The following UMODL1 variants were observed in gnomAD, a reference collection of about 807,000 sequenced individuals.
The protein encoded by UMODL1 is uromodulin like 1, also known as uromodulin-like 1.
In UMODL1, 128 loss-of-function variants were observed where a neutral mutation model predicts 136.3. The observed-to-expected ratio is 0.94, with a 90% CI of 0.81 to 1.09. The LOEUF (loss-of-function observed/expected upper bound fraction) is 1.09, where lower values mean the gene tolerates loss of function less well. Among genes scored for constraint, UMODL1 ranks in the 50% least tolerant of loss-of-function variants. UMODL1 has a pLI of 0.00. For missense variants in UMODL1, 1,766 were observed against 1,725.6 expected (o/e 1.02, Z -0.41); for synonymous variants, 721 against 720.0 (o/e 1.00, Z -0.02).
In UMODL1 at chr21:42,077,002, GGTGTGTGTGTGTGTGTGTGTGTGTGT is replaced by G. The variant is rs56409028; in HGVS notation, c.319+795_319+820del. ...CACAGGTGATCTCTTCCAGGGGAGGGGTGTGTGTGTGTGTGTGTGTGTGTGTGTGTGTGTGTGTGTGTGTGTGTGTG... is the reference window on the plus strand; with the variant it reads ...CACAGGTGATCTCTTCCAGGGGAGGGGTGTGTGTGTGTGTGTGTGTGTGTG... On this transcript the variant is annotated intron_variant, in intron 2 of 22. Coordinates refer to ENST00000408910, the MANE Select transcript of UMODL1 (RefSeq NM_001004416.3). 4.9e-3 allele frequency among the ~76,000 whole-genome samples: 551 copies of G among 113,266 alleles called. 6 individuals carry two copies. Among genetic ancestry groups the G allele is most frequent in the African/African-American group, 0.013 (410 of 32,542 alleles). 74.3% of individuals were successfully genotyped at this position (113,266 alleles called of 152,430 possible).
chr21:42,078,122 C>T (rs543201876), intron 2 of UMODL1, among the ~76,000 whole-genome samples: 1 of 152,156 alleles, frequency 6.6e-6, no homozygotes, highest in Non-Finnish European at 1.5e-5. Flanking sequence ...ATAACCAACA[C>T]CTCCATCACC....
chr21:42,094,960 A>G (rs140346053), intron 6 of UMODL1, among the ~76,000 whole-genome samples: 2 of 152,178 alleles, frequency 1.3e-5, no homozygotes, highest in African/African-American at 4.8e-5. Context: ...CACTGGGCCT[A>G]AATCAGGTTG....
chr21:42,126,550 G>A, intron 18 of UMODL1, 60 bp downstream of exon 18: 1 of 1,611,096 alleles, frequency 6.2e-7, no homozygotes, highest in South Asian at 1.1e-5. Flanking sequence ...CCTGCGCTTT[G>A]AGAGTTCTTT....
Position 42,090,380 on chromosome 21 carries a change from C to A in UMODL1, c.873C>A (p.Cys291Ter). ...LCANLEGSYWCVCHQEAPATS... is the reference protein window; with the variant it reads ...LCANLEGSYW ...CAAACCTGGAGGGCTCGTACTGGTG[C>A]GTCTGTCACCAGGAAGCTCCAGCCA... The change falls in exon 6 of 23, where the codon TGC becomes TGA. Residue 291 changes from cysteine (C) to a stop codon, truncating the protein, a stop_gained. Coordinates refer to ENST00000408910, the MANE Select transcript of UMODL1 (RefSeq NM_001004416.3). LOFTEE classifies it high-confidence loss of function. The A allele has an allele frequency of 6.2e-7, 1 of 1,613,980 alleles. No individual in the cohort carries two copies. The highest frequency in any genetic ancestry group is 1.3e-5 in the African/African-American group (1 of 75,004).
chr21:42,094,950 C>T (rs1361390522), intron 6 of UMODL1, among the ~76,000 whole-genome samples: 5 of 151,972 alleles, frequency 3.3e-5, no homozygotes, highest in African/African-American at 1.2e-4. Context: ...AAATAGTTAC[C>T]ACTGGGCCTA....
chr21:42,090,411 C>G lies in UMODL1; in HGVS notation c.904C>G (p.Pro302Ala). The stretch of plus-strand genomic sequence containing the variant: ...TCACCAGGAAGCTCCAGCCACGTCT[C>G]CACGGAAGCTGAACCTGGAGTGGGA... ...VCHQEAPATS[P>A]RKLNLEWEDC... is the part of the protein sequence containing the mutation. Residue 302 changes from proline (P) to alanine (A), a missense_variant, in exon 6 of 23, where the codon CCA becomes GCA. Physicochemically the swap from Pro to Ala is conservative, Grantham distance 27 (BLOSUM62 -1). Coordinates refer to ENST00000408910, the MANE Select transcript of UMODL1 (RefSeq NM_001004416.3). 6.2e-7 allele frequency: 1 copy of G among 1,613,980 alleles called. No individual in the cohort carries two copies. The highest frequency in any genetic ancestry group is 8.5e-7 in the Non-Finnish European group (1 of 1,179,926).
chr21:42,120,852 C>A, intron 15 of UMODL1: 1 of 439,088 alleles, frequency 2.3e-6, no homozygotes, highest in Non-Finnish European at 4.0e-6. Flanking sequence ...ATCCCCCTCC[C>A]AGCCCTGGGC....
intron 1 of UMODL1, among the ~76,000 whole-genome samples, chr21:42,066,198 C>G (rs2066181465): frequency 6.6e-6 from 1 of 152,122 alleles, no homozygotes; most frequent in African/African-American, 2.4e-5. Flanking sequence ...AGGACAGAGA[C>G]AAATTAAAAA....
upstream of UMODL1, among the ~76,000 whole-genome samples, chr21:42,070,009 C>A (rs1465790398): frequency 6.6e-6 from 1 of 152,178 alleles, no homozygotes; most frequent in Non-Finnish European, 1.5e-5. Flanking sequence ...AGCCCCTTTG[C>A]TGTGAGATCA....
intron 21 of UMODL1, among the ~76,000 whole-genome samples, chr21:42,135,456 A>T (rs955061820): frequency 6.6e-6 from 1 of 152,222 alleles, no homozygotes; most frequent in Non-Finnish European, 1.5e-5. Context: ...AGAGGTGGCA[A>T]CTGAACAGGG....
intron 1 of UMODL1, among the ~76,000 whole-genome samples, chr21:42,072,529 C>T (rs1284696904): frequency 6.6e-6 from 1 of 152,154 alleles, no homozygotes; most frequent in Non-Finnish European, 1.5e-5. Flanking sequence ...GAGGTGTTTC[C>T]AGAACCCCTC....
chr21:42,065,835 A>C lies in UMODL1; in HGVS notation c.-141+2621A>C, dbSNP rs577886321. ...GAGTGAGCCACTGCACTCAGCCTGCACCAACTTTTACAGACAGGCTGGAGT... is the reference window on the plus strand; with the variant it reads ...GAGTGAGCCACTGCACTCAGCCTGCCCCAACTTTTACAGACAGGCTGGAGT... On this transcript the variant is annotated intron_variant, in intron 1 of 22. Coordinates refer to the UMODL1 transcript ENST00000400424. 2.0e-5 allele frequency among the ~76,000 whole-genome samples: 3 copies of C among 152,200 alleles called. No individual in the cohort carries two copies. The South Asian group carries it at 6.2e-4, about 32-fold the overall frequency.
intron 4 of UMODL1, 48 bp from the exon 5 acceptor site, chr21:42,088,246 T>C (rs1172873556): frequency 6.3e-7 from 1 of 1,586,840 alleles, no homozygotes; most frequent in East Asian, 2.3e-5. Flanking sequence ...CTCGTCTGTC[T>C]GACGGGGTGT....
chr21:42,115,425 G>C (rs764613462), intron 13 of UMODL1, among the ~76,000 whole-genome samples: 1 of 152,240 alleles, frequency 6.6e-6, no homozygotes, highest in African/African-American at 2.4e-5. Context: ...CTGTGGCCAC[G>C]TGGACTCTGA....
At position 42,077,373 on chromosome 21, in the gene UMODL1, C is replaced by T. The variant is rs1033705485; in HGVS notation, c.319+1126C>T. Among the ~76,000 whole-genome samples, 7 of 151,946 alleles carry T rather than the reference C, an allele frequency of 4.6e-5. No individual in the cohort carries two copies. In the South Asian group the frequency reaches 6.3e-4, roughly 14 times the overall value. ...CTTTTATTAGCCGGCGACCGAGAGA[C>T]GGCTAACGCTAAAAATTCTCTCAGC... On this transcript the variant is annotated intron_variant, in intron 2 of 22. Coordinates refer to ENST00000408910, the MANE Select transcript of UMODL1 (RefSeq NM_001004416.3).
At position 42,126,328 on chromosome 21, in the gene UMODL1, C is replaced by T. The variant is rs1200410143; in HGVS notation, c.3148-17C>T. 6.2e-7 allele frequency: 1 copy of T among 1,613,530 alleles called. No individual in the cohort carries two copies. The highest frequency in any genetic ancestry group is 8.5e-7 in the Non-Finnish European group (1 of 1,179,846). ...GGCTGGGGCCTGGGAGCTCCTCATGCTCCGCTTTGTGCTCAGAACATGACG... is the reference window on the plus strand; with the variant it reads ...GGCTGGGGCCTGGGAGCTCCTCATGTTCCGCTTTGTGCTCAGAACATGACG... On this transcript the variant is annotated splice_polypyrimidine_tract_variant and intron_variant, in intron 17 of 22. Transcript: ENST00000408910.
In UMODL1 at chr21:42,099,188, C is replaced by A; in HGVS notation, c.1186+8C>A. On this transcript the variant is annotated splice_region_variant and intron_variant, in intron 7 of 22. Coordinates refer to ENST00000408910, the MANE Select transcript of UMODL1 (RefSeq NM_001004416.3). The surrounding 1 kb of genome is among the most constrained non-coding windows in gnomAD (Gnocchi z 4.1). Reference sequence around the variant, plus strand: ...CGCTGACCATCAAAACCAGTAAGGCCCCCAGTCAGAGACCCACGTTAGCTT... The same window carrying A: ...CGCTGACCATCAAAACCAGTAAGGCACCCAGTCAGAGACCCACGTTAGCTT... 4 of 1,609,256 alleles carry A rather than the reference C, an allele frequency of 2.5e-6. No individual in the cohort carries two copies. Among genetic ancestry groups the A allele is most frequent in the Non-Finnish European group, 3.4e-6 (4 of 1,177,458 alleles).
Position 42,127,076 on chromosome 21 carries a change from G to C in UMODL1, c.3364G>C (p.Asp1122His), listed in dbSNP as rs2067066642. Residue 1122 changes from aspartate (D) to histidine (H), a missense_variant, in exon 19 of 23, where the codon GAC (aspartate) becomes CAC (histidine). Coordinates refer to ENST00000408910, the MANE Select transcript of UMODL1 (RefSeq NM_001004416.3). ...FVTEMQLFIGDSPIPQNYSVS... is the reference protein window; with the variant it reads ...FVTEMQLFIGHSPIPQNYSVS... ...TACCGAAATGCAGTTGTTTATCGGAGACTCTCCCATACCTCAGAATTATAG... is the reference window on the plus strand; with the variant it reads ...TACCGAAATGCAGTTGTTTATCGGACACTCTCCCATACCTCAGAATTATAG... 1 of 1,614,104 alleles carries C rather than the reference G, an allele frequency of 6.2e-7. No homozygotes were observed. The highest frequency in any genetic ancestry group is 1.7e-5 in the Admixed American group (1 of 60,012).
intron 21 of UMODL1, among the ~76,000 whole-genome samples, chr21:42,137,027 A>G (rs866271640): frequency 5.9e-5 from 9 of 152,156 alleles, no homozygotes; most frequent in African/African-American, 2.2e-4. Context: ...AAGTGCTGAG[A>G]TTACAGTCGT....
Sources: gnomAD v4.1 joint callset for allele counts (sites outside exome capture counted in the v4.1 genomes callset) on GRCh38, gnomAD v4.1.1 for gene constraint, Gnocchi (gnomAD v3.1) non-coding constraint, MANE v1.5 for transcripts, NCBI Gene and HGNC (gene_info 2026-07-23, HGNC 2026-07-21) for gene names.